Variants in UMAD1 observed in about 807,000 individuals in gnomAD.
UMAD1 encodes the protein UBAP1-MVB12-associated (UMA) domain containing 1.
Under a neutral mutation model 6.1 loss-of-function variants are expected in UMAD1, and 8 were observed. That is an observed-to-expected ratio of 1.30 (90% CI 0.76 to 2.35). The LOEUF is 2.35. Ranked by LOEUF, UMAD1 falls within the 30% of genes most tolerant of loss-of-function variation. The probability of loss-of-function intolerance (pLI) is 0.00; values close to 1 mark genes in which losing one functional copy is unlikely to be tolerated. For missense variants in UMAD1, 130 were observed against 78.4 expected, an observed-to-expected ratio of 1.66 and a Z score of -2.49; for synonymous variants, 56 against 31.4, an observed-to-expected ratio of 1.78 and a Z score of -2.61.
At chr7:7,644,417 A>G (rs1486520420) in intron 1 of UMAD1, among the ~76,000 whole-genome samples, 1 of 150,684 alleles carries the variant, frequency 6.6e-6, no homozygotes, top group African/African-American at 2.5e-5. Context: ...CCTTAAGTTT[A>G]ATGTAGGAGA....
intron 2 of UMAD1, among the ~76,000 whole-genome samples, chr7:7,677,748 A>G (rs1779783832): frequency 7.6e-6 from 1 of 130,846 alleles, no homozygotes. Context: ...ATCTCGGCTC[A>G]CTGCAAGCTC....
intron 1 of UMAD1, among the ~76,000 whole-genome samples, chr7:7,643,381 G>A (rs1165365763): frequency 2.0e-5 from 3 of 152,180 alleles, no homozygotes; most frequent in South Asian, 2.1e-4. Flanking sequence ...CCTATCCTAA[G>A]GAAAGAATCA....
chr7:7,796,477 C>A (rs1257993835), intron 2 of UMAD1, among the ~76,000 whole-genome samples: 1 of 151,982 alleles, frequency 6.6e-6, no homozygotes, highest in East Asian at 1.9e-4. Flanking sequence ...TTTCGAACTC[C>A]CAACCTCAGG....
intron 3 of UMAD1, among the ~76,000 whole-genome samples, chr7:7,826,963 A>AT (rs1423290446): frequency 6.6e-6 from 1 of 152,166 alleles, no homozygotes; most frequent in African/African-American, 2.4e-5. Flanking sequence ...TTTAGAGAAC[A>AT]TTCCATAAGA....
At chr7:7,711,513 A>C (rs1040367188) in intron 2 of UMAD1, among the ~76,000 whole-genome samples, 1 of 152,190 alleles carries the variant, frequency 6.6e-6, no homozygotes, top group South Asian at 2.1e-4. Flanking sequence ...CCTTTTTAAC[A>C]TGTAATACTG....
At position 7,830,254 on chromosome 7, in the gene UMAD1, C is replaced by T. The variant is rs144958514; in HGVS notation, c.156+28511C>T. ...TTCCTAAACATGCGTTGTAATCACA[C>T]GGCTCTCTGTCTGCTTGCTAAAGAT... On this transcript the variant is annotated intron_variant, in intron 3 of 3. Transcript: ENST00000682710. The surrounding 1 kb of genome is among the most constrained non-coding windows in gnomAD (Gnocchi z 5.3). 3.5e-4 allele frequency among the ~76,000 whole-genome samples: 53 copies of T among 152,216 alleles called. No individual in the cohort carries two copies. Among genetic ancestry groups the T allele is most frequent in the East Asian group, 2.3e-3 (12 of 5,162 alleles).
chr7:7,684,888 G>T (rs1447001279), intron 2 of UMAD1, among the ~76,000 whole-genome samples: 1 of 152,092 alleles, frequency 6.6e-6, no homozygotes, highest in Non-Finnish European at 1.5e-5. Context: ...TCCTTGAAGG[G>T]TGCTTATTCC....
At chr7:7,749,988 A>G (rs893037122) in intron 2 of UMAD1, among the ~76,000 whole-genome samples, 3 of 152,192 alleles carry the variant, frequency 2.0e-5, no homozygotes, top group African/African-American at 7.2e-5. Flanking sequence ...TATGTTTGAC[A>G]TCTTAACAAA....
At chr7:7,868,108 G>C (rs979470119) in intron 3 of UMAD1, among the ~76,000 whole-genome samples, 1 of 152,138 alleles carries the variant, frequency 6.6e-6, no homozygotes, top group Non-Finnish European at 1.5e-5. Flanking sequence ...CATGAGGCGG[G>C]AAGGCCTACT....
chr7:7,712,391 A>G (rs1780787227), intron 2 of UMAD1, among the ~76,000 whole-genome samples: 1 of 152,140 alleles, frequency 6.6e-6, no homozygotes, highest in Non-Finnish European at 1.5e-5. Flanking sequence ...TTTTTGTAAA[A>G]TTGCCATGCA....
At chr7:7,743,570 G>T (rs1781514629) in intron 2 of UMAD1, among the ~76,000 whole-genome samples, 1 of 151,850 alleles carries the variant, frequency 6.6e-6, no homozygotes, top group African/African-American at 2.4e-5. Flanking sequence ...ATGTATGTTT[G>T]GACTTATAAC....
chr7:7,643,638 A>G (rs924133391), intron 1 of UMAD1, among the ~76,000 whole-genome samples: 14 of 151,388 alleles, frequency 9.2e-5, no homozygotes, highest in African/African-American at 3.2e-4. Context: ...CGTGAACCCG[A>G]GAGGCGGAGC....
In UMAD1 at chr7:7,763,557, A is replaced by C. The variant is rs145028353; in HGVS notation, c.83-38113A>C. 2.1e-3 allele frequency among the ~76,000 whole-genome samples: 315 copies of C among 152,292 alleles called. 1 individual carries two copies. The highest frequency in any genetic ancestry group is 7.3e-3 in the African/African-American group (304 of 41,550). ...GTCATTGGAGTAACAAAGACGTTTG[A>C]ATTTTAAAAATTTAAATATATTTAA... On this transcript the variant is annotated intron_variant, in intron 2 of 3. Coordinates refer to ENST00000682710, the MANE Select transcript of UMAD1 (RefSeq NM_001302348.2).
At chr7:7,831,817 TATA>T (rs1783472354) in intron 3 of UMAD1, among the ~76,000 whole-genome samples, 1 of 152,334 alleles carries the variant, frequency 6.6e-6, no homozygotes, top group East Asian at 1.9e-4. Context: ...GTGGTATTAT[TATA>T]ATTATTATTA....
chr7:7,828,805 T>C (rs2115302968), intron 3 of UMAD1, among the ~76,000 whole-genome samples: 1 of 152,236 alleles, frequency 6.6e-6, no homozygotes, highest in East Asian at 1.9e-4. Context: ...TACTTAGGAA[T>C]TACTGAACAG....
chr7:7,781,748 C>G (rs6958812), intron 2 of UMAD1, among the ~76,000 whole-genome samples: 1,869 of 152,054 alleles, frequency 0.012, 43 homozygotes, highest in African/African-American at 0.043. Flanking sequence ...TTTTAGCAAG[C>G]TCTTATTAAT....
At chr7:7,646,485 T>A (rs1440192794) in intron 1 of UMAD1, among the ~76,000 whole-genome samples, 1 of 69,548 alleles carries the variant, frequency 1.4e-5, no homozygotes, top group East Asian at 3.1e-3. Context: ...GCTGGATTTT[T>A]TTTTTTTTTT....
chr7:7,836,495 AAGAT>A lies in UMAD1; in HGVS notation c.156+34755_156+34758del, dbSNP rs761127120. Among the ~76,000 whole-genome samples, 63 of 151,938 alleles carry A rather than the reference AAGAT, an allele frequency of 4.1e-4. 1 individual carries two copies. Among genetic ancestry groups the A allele is most frequent in the Non-Finnish European group, 1.0e-4 (7 of 67,870 alleles). ...GAAGTTTAGAAATTTACTATGTATC[AAGAT>A]AGGTGTGTCTCAAGGCCAAGTGAGA... On this transcript the variant is annotated intron_variant, in intron 3 of 3. Coordinates refer to ENST00000682710, the MANE Select transcript of UMAD1 (RefSeq NM_001302348.2).
At chr7:7,792,768 C>T (rs143622052) in intron 2 of UMAD1, among the ~76,000 whole-genome samples, 174 of 152,266 alleles carry the variant, frequency 1.1e-3, no homozygotes, top group African/African-American at 3.9e-3. Flanking sequence ...ATTTATTTCT[C>T]GCAGTTCTGG....
Sources: allele counts gnomAD v4.1 joint callset (sites outside exome capture counted in the v4.1 genomes callset), GRCh38; gene constraint gnomAD v4.1.1; non-coding constraint Gnocchi (gnomAD v3.1); transcripts MANE v1.5; gene names NCBI Gene and HGNC (gene_info 2026-07-23, HGNC 2026-07-21).